The following FRMD4A variants were observed in gnomAD, a reference collection of about 807,000 sequenced individuals.
FRMD4A encodes FERM domain-containing protein 4A.
In FRMD4A, 29 loss-of-function variants were observed where a neutral mutation model predicts 129.1. The ratio of observed to expected loss-of-function variants is 0.22; its 90% CI spans 0.17 to 0.31. The LOEUF (loss-of-function observed/expected upper bound fraction) is 0.31. Ranked by LOEUF, FRMD4A falls within the 10% of genes least tolerant of loss-of-function variation. The probability of loss-of-function intolerance (pLI) is 1.00; values close to 1 mark genes in which losing one functional copy is unlikely to be tolerated. For missense variants in FRMD4A, 1,272 were observed against 1,375.8 expected, an observed-to-expected ratio of 0.92 and a Z score of 1.19; for synonymous variants, 634 against 571.6, an observed-to-expected ratio of 1.11 and a Z score of -1.56.
intron 2 of FRMD4A, among the ~76,000 whole-genome samples, chr10:14,182,186 A>T (rs569999308): frequency 2.7e-4 from 41 of 152,262 alleles, no homozygotes; most frequent in African/African-American, 8.9e-4. Flanking sequence ...ATCAATGGAG[A>T]TGGGAGTTGA....
At chr10:13,779,299 G>C (rs1196944292) in intron 6 of FRMD4A, among the ~76,000 whole-genome samples, 1 of 147,248 alleles carries the variant, frequency 6.8e-6, no homozygotes, top group Non-Finnish European at 1.5e-5. Context: ...CTGGGCTACA[G>C]AGTGAGACTC....
At chr10:14,135,369 A>G (rs1321569341) in intron 2 of FRMD4A, among the ~76,000 whole-genome samples, 2 of 152,194 alleles carry the variant, frequency 1.3e-5, no homozygotes, top group African/African-American at 4.8e-5. Context: ...AACTGTGTTC[A>G]AATAAGGCAA....
intron 2 of FRMD4A, among the ~76,000 whole-genome samples, chr10:13,936,260 C>T (rs774287235): frequency 2.5e-4 from 38 of 152,242 alleles, no homozygotes; most frequent in African/African-American, 6.7e-4. Context: ...TCATGCAGCA[C>T]GGTAGTCATC....
intron 2 of FRMD4A, among the ~76,000 whole-genome samples, chr10:13,888,110 T>A (rs2797859): frequency 6.6e-6 from 1 of 152,210 alleles, no homozygotes; most frequent in Non-Finnish European, 1.5e-5. Flanking sequence ...GAGATGAAAT[T>A]TTCTGGGAAA....
intron 3 of FRMD4A, among the ~76,000 whole-genome samples, chr10:13,857,404 A>G (rs1343531494): frequency 1.3e-5 from 2 of 152,236 alleles, no homozygotes; most frequent in Admixed American, 6.5e-5. Flanking sequence ...GATTACAGCC[A>G]TGCAAGAAAT....
intron 12 of FRMD4A, among the ~76,000 whole-genome samples, chr10:13,718,448 G>A (rs1326713627): frequency 6.6e-6 from 1 of 152,248 alleles, no homozygotes; most frequent in Non-Finnish European, 1.5e-5. Context: ...ACATGCAGGG[G>A]GCTGCGGCTG....
intron 9 of FRMD4A, among the ~76,000 whole-genome samples, chr10:13,743,804 G>T (rs137938864): frequency 6.6e-6 from 1 of 152,072 alleles, no homozygotes; most frequent in Non-Finnish European, 1.5e-5. Context: ...AATCCTGACC[G>T]AGAACCTATT....
In FRMD4A at chr10:14,142,161, TG is replaced by T. The variant is rs199856416; in HGVS notation, c.45+187896del. On this transcript the variant is annotated intron_variant, in intron 2 of 24. Coordinates refer to ENST00000357447, the MANE Select transcript of FRMD4A (RefSeq NM_018027.5). ...GCTACAAACAAAAAAGTTTTTTTTTTGTTGTTTTGTTTTTGCTAGAAAGTCC... is the reference window on the plus strand; with the variant it reads ...GCTACAAACAAAAAAGTTTTTTTTTTTTGTTTTGTTTTTGCTAGAAAGTCC... Among the ~76,000 whole-genome samples the T allele has an allele frequency of 4.0e-4, 61 of 151,848 alleles. No homozygotes were observed. In the East Asian group the frequency reaches 0.011, roughly 27 times the overall value.
chr10:13,826,643 C>T (rs577119405), intron 3 of FRMD4A, among the ~76,000 whole-genome samples: 2 of 152,126 alleles, frequency 1.3e-5, no homozygotes, highest in African/African-American at 4.8e-5. Flanking sequence ...CCCCATGGCT[C>T]TTGTGGATGA....
chr10:14,329,958 T>C, intron 2 of FRMD4A, 100 bp downstream of exon 2: 1 of 1,113,062 alleles, frequency 9.0e-7, no homozygotes, highest in South Asian at 1.3e-5. Context: ...GGAGCAATGT[T>C]GAACATGTCT....
In FRMD4A at chr10:13,850,742, T is replaced by C. The variant is rs78196078; in HGVS notation, c.111+8105A>G. ...GGGTTTTTATTATATATACTGGTTA[T>C]GGTGCAGTGAAAAGAGAATGGGCTA... On this transcript the variant is annotated intron_variant, in intron 3 of 24. Coordinates refer to ENST00000357447, the MANE Select transcript of FRMD4A (RefSeq NM_018027.5). 6.6e-3 allele frequency among the ~76,000 whole-genome samples: 1,011 copies of C among 152,340 alleles called. 15 individuals carry two copies. The highest frequency in any genetic ancestry group is 0.023 in the African/African-American group (972 of 41,568).
chr10:14,198,857 T>C (rs1347151801), intron 2 of FRMD4A, among the ~76,000 whole-genome samples: 2 of 152,208 alleles, frequency 1.3e-5, no homozygotes, highest in African/African-American at 4.8e-5. Context: ...AGTTTTCTCA[T>C]CTATAAAATA....
intron 2 of FRMD4A, among the ~76,000 whole-genome samples, chr10:13,949,943 G>A (rs373882696): frequency 6.6e-6 from 1 of 152,246 alleles, no homozygotes; most frequent in African/African-American, 2.4e-5. Flanking sequence ...CATGAAATAA[G>A]ATGTTAGTCA....
chr10:14,228,660 A>G (rs1372261438), intron 2 of FRMD4A, among the ~76,000 whole-genome samples: 1 of 152,222 alleles, frequency 6.6e-6, no homozygotes, highest in Non-Finnish European at 1.5e-5. Flanking sequence ...AATTTGAGTC[A>G]ACTTGCAACC....
intron 2 of FRMD4A, among the ~76,000 whole-genome samples, chr10:14,016,068 C>T (rs900215225): frequency 6.6e-6 from 1 of 152,150 alleles, no homozygotes; most frequent in African/African-American, 2.4e-5. Flanking sequence ...AAACTCAGCT[C>T]CTCTCTGTGA....
intron 2 of FRMD4A, among the ~76,000 whole-genome samples, chr10:14,174,102 G>A (rs562667203): frequency 3.3e-5 from 5 of 152,012 alleles, no homozygotes; most frequent in East Asian, 3.9e-4. Flanking sequence ...TCTGTGTGCC[G>A]TGCTTAAGCA....
intron 15 of FRMD4A, among the ~76,000 whole-genome samples, chr10:13,679,538 C>T (rs1420584798): frequency 3.6e-5 from 5 of 137,122 alleles, no homozygotes; most frequent in Admixed American, 7.7e-5. Context: ...TTTCCTGAGT[C>T]CCTGGGTTAG....
At chr10:14,238,784 T>C (rs1041234922) in intron 2 of FRMD4A, among the ~76,000 whole-genome samples, 2 of 152,162 alleles carry the variant, frequency 1.3e-5, no homozygotes, top group African/African-American at 4.8e-5. Context: ...ATATGTGGTG[T>C]TTGGTTTTCT....
At chr10:14,085,946 A>G (rs536552970) in intron 2 of FRMD4A, among the ~76,000 whole-genome samples, 2 of 152,074 alleles carry the variant, frequency 1.3e-5, no homozygotes, top group African/African-American at 2.4e-5. Flanking sequence ...TTTCCCTTTT[A>G]TTTTTTTGCA....
Sources: allele counts gnomAD v4.1 joint callset (sites outside exome capture counted in the v4.1 genomes callset), GRCh38; gene constraint gnomAD v4.1.1; transcripts MANE v1.5; gene names NCBI Gene and HGNC (gene_info 2026-07-23, HGNC 2026-07-21).